The following COL28A1 variants were observed in gnomAD, a reference collection of about 807,000 sequenced individuals.
The protein encoded by COL28A1 is collagen type XXVIII alpha 1 chain.
Under a neutral mutation model 150.2 loss-of-function variants are expected in COL28A1, and 161 were observed. The observed-to-expected ratio is 1.07, with a 90% CI of 0.94 to 1.22. The LOEUF (loss-of-function observed/expected upper bound fraction) is 1.22, where lower values mean the gene tolerates loss of function less well. COL28A1 is among the 50% of genes most tolerant of loss of function. The pLI is 0.00. For synonymous variants in COL28A1, 552 were observed against 469.7 expected (o/e 1.18, Z -2.26); for missense variants, 1,617 against 1,388.3 (o/e 1.16, Z -2.62).
chr7:7,499,149 G>C (rs910482591), intron 11 of COL28A1, among the ~76,000 whole-genome samples: 28 of 152,178 alleles, frequency 1.8e-4, no homozygotes, highest in Middle Eastern at 3.4e-3. Context: ...AGAATTGCTG[G>C]ATTACTAATG....
intron 25 of COL28A1, 96 bp from the exon 26 acceptor site, chr7:7,420,049 G>GACTAAGGTATTA: frequency 1.4e-6 from 1 of 706,792 alleles, no homozygotes; most frequent in East Asian, 3.1e-5. Flanking sequence ...TCTTGAATGT[G>GACTAAGGTATTA]ACTAAGGTAT....
At chr7:7,387,311 A>T (rs1261773383) in intron 27 of COL28A1, among the ~76,000 whole-genome samples, 3 of 152,200 alleles carry the variant, frequency 2.0e-5, no homozygotes, top group Non-Finnish European at 4.4e-5. Context: ...ATAAAACTGC[A>T]TACTAAAAAG....
At chr7:7,352,438 G>A (rs906437249), downstream of COL28A1, among the ~76,000 whole-genome samples, 3 of 152,132 alleles carry the variant, frequency 2.0e-5, no homozygotes, top group Non-Finnish European at 4.4e-5. Flanking sequence ...GAAGGACTTT[G>A]AGGTAGCAAG....
chr7:7,425,487 T>C (rs898617260), intron 25 of COL28A1, among the ~76,000 whole-genome samples: 1 of 152,164 alleles, frequency 6.6e-6, no homozygotes, highest in African/African-American at 2.4e-5. Flanking sequence ...TGCACAAGAA[T>C]CCAGCCCTCT....
intron 32 of COL28A1, 61 bp from the exon 33 acceptor site, chr7:7,370,943 A>C: frequency 2.6e-4 from 306 of 1,160,554 alleles, no homozygotes; most frequent in Non-Finnish European, 3.4e-4. Flanking sequence ...CTTAAAACTC[A>C]TTTAAAAAGA....
chr7:7,506,679 G>A (rs759468651), intron 10 of COL28A1, among the ~76,000 whole-genome samples: 2 of 152,172 alleles, frequency 1.3e-5, no homozygotes, highest in African/African-American at 4.8e-5. Context: ...ATGCCTTAGA[G>A]AATCAGTCCA....
At chr7:7,412,998 G>C (rs1168656667) in intron 27 of COL28A1, among the ~76,000 whole-genome samples, 1 of 151,988 alleles carries the variant, frequency 6.6e-6, no homozygotes, top group Non-Finnish European at 1.5e-5. Context: ...ACACCACAGA[G>C]GTCAGAATAC....
chr7:7,523,252 G>A (rs1246516165), intron 4 of COL28A1, among the ~76,000 whole-genome samples: 2 of 151,530 alleles, frequency 1.3e-5, no homozygotes, highest in Non-Finnish European at 2.9e-5. Flanking sequence ...CTGCCTCCTG[G>A]GTTCAAGTGA....
At chr7:7,346,196 C>G in the COL28A1 span, among the ~76,000 whole-genome samples, 3 of 151,942 alleles carry the variant, frequency 2.0e-5, no homozygotes, top group Non-Finnish European at 4.4e-5. Flanking sequence ...CTTGGAACCC[C>G]TTAATATCTC....
chr7:7,436,423 TCTCCCTTAAATCCAGGTATCCCAGGTC>T lies in COL28A1; in HGVS notation c.1805_1831del (p.Gly602_Gly610del). 1 of 1,445,332 alleles carries T rather than the reference TCTCCCTTAAATCCAGGTATCCCAGGTC, an allele frequency of 6.9e-7. No homozygotes were observed. Among genetic ancestry groups the T allele is most frequent in the Middle Eastern group, 1.7e-4 (1 of 5,736 alleles). 89.5% of individuals were successfully genotyped at this position (1,445,332 alleles called of 1,614,324 possible). ...TGGTCCTCGAATAGAAAGTCCAGGT[TCTCCCTTAAATCCAGGTATCCCAGGTC>T]CTCCTCTATCTCCCTGTACATTTCA... On this transcript the variant is annotated inframe_deletion, in exon 23 of 35. Transcript: ENST00000399429.
Position 7,479,091 on chromosome 7 carries a change from G to T in COL28A1, c.1165-1911C>A, listed in dbSNP as rs183243683. Among the ~76,000 whole-genome samples, 220 of 152,346 alleles carry T rather than the reference G, an allele frequency of 1.4e-3. 1 individual carries two copies. Among genetic ancestry groups the T allele is most frequent in the African/African-American group, 5.1e-3 (213 of 41,584 alleles). ...TGAGGGCTGCGAGGGCTGCCAGCAC[G>T]CTGTCACCTCTCACCATTTTATACA... is the stretch of plus-strand genomic sequence containing the variant. On this transcript the variant is annotated intron_variant, in intron 13 of 34. Coordinates refer to ENST00000399429, the MANE Select transcript of COL28A1 (RefSeq NM_001037763.3).
intron 13 of COL28A1, among the ~76,000 whole-genome samples, chr7:7,484,856 T>C (rs1281579906): frequency 6.6e-6 from 1 of 152,148 alleles, no homozygotes; most frequent in Non-Finnish European, 1.5e-5. Context: ...TAGAAGCGCT[T>C]ATCCTTGGCA....
intron 3 of COL28A1, among the ~76,000 whole-genome samples, chr7:7,530,414 A>C (rs938557199): frequency 7.9e-5 from 12 of 152,210 alleles, no homozygotes; most frequent in African/African-American, 2.9e-4. Flanking sequence ...GGAGCAAAAC[A>C]ATCTCTGAAA....
chr7:7,443,011 T>G lies in COL28A1; in HGVS notation c.1650+574A>C, dbSNP rs867889809. On this transcript the variant is annotated intron_variant, in intron 20 of 34. Coordinates refer to ENST00000399429, the MANE Select transcript of COL28A1 (RefSeq NM_001037763.3). Reference sequence around the variant, plus strand: ...GATCGTGCCACTGCACTCCAGCCTGTGGGACAGAGTGAGACTCCGTCTCAA... The same window carrying G: ...GATCGTGCCACTGCACTCCAGCCTGGGGGACAGAGTGAGACTCCGTCTCAA... Among the ~76,000 whole-genome samples the G allele has an allele frequency of 1.0e-3, 144 of 143,786 alleles. 1 individual carries two copies. In the Middle Eastern group the frequency reaches 0.019, roughly 19 times the overall value. 94.3% of individuals were successfully genotyped at this position (143,786 alleles called of 152,430 possible).
At chr7:7,484,337 C>G (rs1241397991) in intron 13 of COL28A1, among the ~76,000 whole-genome samples, 1 of 151,988 alleles carries the variant, frequency 6.6e-6, no homozygotes, top group Non-Finnish European at 1.5e-5. Context: ...TCTTACAAAG[C>G]AAACTAAACA....
the COL28A1 span, among the ~76,000 whole-genome samples, chr7:7,346,260 T>C: frequency 4.6e-5 from 7 of 151,966 alleles, no homozygotes; most frequent in Non-Finnish European, 1.5e-5. Flanking sequence ...TTTTAAGAAA[T>C]GTATTCAACT....
chr7:7,497,612 G>A (rs1780291929), intron 11 of COL28A1, among the ~76,000 whole-genome samples: 3 of 152,050 alleles, frequency 2.0e-5, no homozygotes, highest in Admixed American at 2.0e-4. Context: ...TATGACTGCA[G>A]ACTAAATTCA....
chr7:7,339,860 C>T, the COL28A1 span, among the ~76,000 whole-genome samples: 7 of 152,080 alleles, frequency 4.6e-5, no homozygotes, highest in Non-Finnish European at 8.8e-5. Flanking sequence ...TTAGGTCATA[C>T]AAATTGTTTC....
chr7:7,442,196 C>T lies in COL28A1; in HGVS notation c.1651-1335G>A, dbSNP rs1207199274. Among the ~76,000 whole-genome samples the T allele has an allele frequency of 4.6e-5, 7 of 152,178 alleles. No individual in the cohort carries two copies. The East Asian group carries it at 9.6e-4, about 21-fold the overall frequency. ...TCTTTCCAATGCACATTCTTCTTGC[C>T]TTATTGGTGGCATCTGATACCACCC... On this transcript the variant is annotated intron_variant, in intron 20 of 34. Transcript: ENST00000399429.
Sources: allele counts gnomAD v4.1 joint callset (sites outside exome capture counted in the v4.1 genomes callset), GRCh38; gene constraint gnomAD v4.1.1; transcripts MANE v1.5; gene names NCBI Gene and HGNC (gene_info 2026-07-23, HGNC 2026-07-21).